PCDH15: variants seen among roughly 807,000 people sequenced by gnomAD.
The protein encoded by PCDH15 is protocadherin-15.
In PCDH15, 129 loss-of-function variants were observed where a neutral mutation model predicts 178.5. The ratio of observed to expected loss-of-function variants is 0.72; its 90% CI spans 0.63 to 0.84. The LOEUF (loss-of-function observed/expected upper bound fraction) is 0.84. PCDH15 is among the 40% of genes least tolerant of loss of function. PCDH15 has a pLI of 0.00. For synonymous variants in PCDH15, 800 were observed against 732.0 expected (o/e 1.09, Z -1.50); for missense variants, 2,230 against 2,099.9 (o/e 1.06, Z -1.21).
At chr10:54,437,089 A>AG (rs199559838) in intron 3 of PCDH15, among the ~76,000 whole-genome samples, 1,568 of 152,312 alleles carry the variant, frequency 0.01, 22 homozygotes, top group African/African-American at 0.035. Flanking sequence ...TAAATTGAGG[A>AG]GGGGAGCCCT....
chr10:55,564,601 A>G (rs1448857719), intron 2 of PCDH15, among the ~76,000 whole-genome samples: 1 of 151,692 alleles, frequency 6.6e-6, no homozygotes, highest in Non-Finnish European at 1.5e-5. Flanking sequence ...CCAACTATAT[A>G]CTGTCTAAAA....
intron 2 of PCDH15, among the ~76,000 whole-genome samples, chr10:54,969,409 AC>A (rs1838876931): frequency 6.6e-6 from 1 of 152,134 alleles, no homozygotes; most frequent in African/African-American, 2.4e-5. Flanking sequence ...TTAATTTTCC[AC>A]CCTGGCCAGT....
intron 16 of PCDH15, among the ~76,000 whole-genome samples, chr10:54,082,666 A>G (rs1487640026): frequency 3.3e-5 from 5 of 152,114 alleles, no homozygotes; most frequent in African/African-American, 1.2e-4. Context: ...AGAGGTAAAT[A>G]TTCATAATCT....
At chr10:54,776,474 G>A (rs1057281444) in intron 1 of PCDH15, among the ~76,000 whole-genome samples, 1 of 151,722 alleles carries the variant, frequency 6.6e-6, no homozygotes, top group Non-Finnish European at 1.5e-5. Context: ...CATACCTGTA[G>A]CCTCAGACTT....
intron 2 of PCDH15, among the ~76,000 whole-genome samples, chr10:55,071,340 T>C (rs1841741387): frequency 6.6e-6 from 1 of 152,082 alleles, no homozygotes; most frequent in African/African-American, 2.4e-5. Context: ...GTGTGCTGTA[T>C]TCAGGACACC....
chr10:54,430,049 C>CTTTT (rs34182878), intron 3 of PCDH15, among the ~76,000 whole-genome samples: 2 of 119,544 alleles, frequency 1.7e-5, no homozygotes, highest in South Asian at 2.6e-4. Context: ...CCTTCTTCTC[C>CTTTT]TTTTTTTTTT....
chr10:53,947,542 G>A (rs1163752679), intron 23 of PCDH15, among the ~76,000 whole-genome samples: 1 of 151,654 alleles, frequency 6.6e-6, no homozygotes, highest in Admixed American at 6.6e-5. Flanking sequence ...AATAAAAATG[G>A]GAAGGGAAGA....
At chr10:54,886,144 T>C (rs1954354175) in intron 3 of PCDH15, among the ~76,000 whole-genome samples, 1 of 146,336 alleles carries the variant, frequency 6.8e-6, no homozygotes, top group Non-Finnish European at 1.5e-5. Context: ...GACAGATTAT[T>C]ACATCAAAAG....
At chr10:55,580,184 G>A (rs769757156) in intron 2 of PCDH15, among the ~76,000 whole-genome samples, 8 of 151,824 alleles carry the variant, frequency 5.3e-5, no homozygotes, top group Admixed American at 3.3e-4. Flanking sequence ...ATGCACACAC[G>A]TGAATTTATA....
At chr10:54,151,745 A>G (rs2044558623) in intron 14 of PCDH15, among the ~76,000 whole-genome samples, 1 of 152,150 alleles carries the variant, frequency 6.6e-6, no homozygotes, top group Admixed American at 6.5e-5. Flanking sequence ...TATATTCCTA[A>G]GTAATTAATA....
At chr10:55,532,418 G>T (rs1479403644) in intron 2 of PCDH15, among the ~76,000 whole-genome samples, 1 of 151,934 alleles carries the variant, frequency 6.6e-6, no homozygotes, top group African/African-American at 2.4e-5. Context: ...CCAACCTCAT[G>T]CAGTTTATTT....
intron 2 of PCDH15, among the ~76,000 whole-genome samples, chr10:55,431,582 T>A (rs1313080128): frequency 6.6e-6 from 1 of 152,158 alleles, no homozygotes; most frequent in Non-Finnish European, 1.5e-5. Flanking sequence ...CTGTTAAATC[T>A]AAGTATTTTC....
At chr10:55,181,170 T>C (rs577886714) in intron 1 of PCDH15, among the ~76,000 whole-genome samples, 23 of 152,162 alleles carry the variant, frequency 1.5e-4, no homozygotes, top group African/African-American at 5.5e-4. Flanking sequence ...GTAAAAGCCA[T>C]GCTGTGAAAA....
rs534599395 is a variant in PCDH15, at chr10:54,533,680, A to T, written c.92-5803T>A. On this transcript the variant is annotated intron_variant, in intron 2 of 37. Transcript: ENST00000644397. ...CTTAGAATTTTTAAGCTATTTCCTT[A>T]CAAGCTGCCTAAATCACCAGTGAAC... Among the ~76,000 whole-genome samples the T allele has an allele frequency of 9.2e-5, 14 of 152,276 alleles. 1 individual carries two copies. In the East Asian group the frequency reaches 2.7e-3, roughly 29 times the overall value.
chr10:53,941,051 G>T, intron 23 of PCDH15, 76 bp from the exon 24 acceptor site: 1 of 1,037,382 alleles, frequency 9.6e-7, no homozygotes. Flanking sequence ...CAGAAAAATT[G>T]AGAGAAAGAT....
chr10:55,532,392 A>C (rs1292219463), intron 2 of PCDH15, among the ~76,000 whole-genome samples: 1 of 152,056 alleles, frequency 6.6e-6, no homozygotes, highest in Non-Finnish European at 1.5e-5. Flanking sequence ...AGCTATACTC[A>C]GTCGCTTCAT....
Position 54,676,273 on chromosome 10 carries a change from A to T in PCDH15, c.-28-11983T>A, listed in dbSNP as rs562267119. Among the ~76,000 whole-genome samples the T allele has an allele frequency of 3.8e-4, 58 of 152,102 alleles. 1 individual carries two copies. The highest frequency in any genetic ancestry group is 7.2e-4 in the Non-Finnish European group (49 of 67,986). ...CTGTAAGTTAAAACTTATGGTTTATATACAACAAAAACTACTGGGGCTGTT... is the reference window on the plus strand; with the variant it reads ...CTGTAAGTTAAAACTTATGGTTTATTTACAACAAAAACTACTGGGGCTGTT... On this transcript the variant is annotated intron_variant, in intron 1 of 37. Transcript: ENST00000644397.
intron 3 of PCDH15, among the ~76,000 whole-genome samples, chr10:54,423,253 C>G (rs191179082): frequency 6.6e-6 from 1 of 152,252 alleles, no homozygotes; most frequent in Admixed American, 6.6e-5. Flanking sequence ...AATAATTTCC[C>G]TGGTTACTAA....
intron 1 of PCDH15, among the ~76,000 whole-genome samples, chr10:54,793,699 AACATATATATACATATATATAC>A (rs1951664057): frequency 2.0e-5 from 3 of 148,388 alleles, no homozygotes; most frequent in Non-Finnish European, 4.5e-5. Context: ...TACATATATA[AACATATATATACATATATATAC>A]ACTTGTGTAT....
Sources: gnomAD v4.1 joint callset for allele counts (sites outside exome capture counted in the v4.1 genomes callset) on GRCh38, gnomAD v4.1.1 for gene constraint, MANE v1.5 for transcripts, NCBI Gene and HGNC (gene_info 2026-07-23, HGNC 2026-07-21) for gene names.